Variants in NARS2 observed in about 807,000 individuals in gnomAD.
NARS2 encodes asparaginyl-tRNA synthetase 2, mitochondrial, also known as asparaginyl-tRNA synthetase.
In NARS2, 60 loss-of-function variants were observed where a neutral mutation model predicts 62.9. The ratio of observed to expected loss-of-function variants is 0.95; its 90% CI spans 0.77 to 1.18. The LOEUF (loss-of-function observed/expected upper bound fraction) is 1.18, where lower values mean the gene tolerates loss of function less well. Ranked by LOEUF, NARS2 falls within the 50% of genes most tolerant of loss-of-function variation. The pLI is 0.00. For missense variants in NARS2, 619 were observed against 576.4 expected (o/e 1.07, Z -0.76); for synonymous variants, 196 against 200.0 (o/e 0.98, Z 0.17).
intron 11 of NARS2, among the ~76,000 whole-genome samples, chr11:78,461,256 A>G (rs533126598): frequency 6.6e-6 from 1 of 152,288 alleles, no homozygotes; most frequent in East Asian, 1.9e-4. Flanking sequence ...TGAGGAAAAT[A>G]AAGACCACCA....
chr11:78,506,348 C>G (rs1037513776), intron 6 of NARS2, among the ~76,000 whole-genome samples: 5 of 152,188 alleles, frequency 3.3e-5, no homozygotes, highest in African/African-American at 1.2e-4. Flanking sequence ...GAAATAAAAA[C>G]ATATGTCCAC....
At chr11:78,482,253 A>C (rs2135280046) in intron 7 of NARS2, among the ~76,000 whole-genome samples, 1 of 152,348 alleles carries the variant, frequency 6.6e-6, no homozygotes, top group East Asian at 1.9e-4. Flanking sequence ...AGCAGTGTTA[A>C]GAGGGAAGTT....
chr11:78,458,866 C>A (rs965608688), intron 11 of NARS2, among the ~76,000 whole-genome samples: 45 of 151,676 alleles, frequency 3.0e-4, no homozygotes, highest in African/African-American at 1.1e-3. Context: ...TTTCCCCATA[C>A]TGTTCTTGTG....
At chr11:78,512,026 A>G (rs1196457448) in intron 6 of NARS2, among the ~76,000 whole-genome samples, 1 of 152,172 alleles carries the variant, frequency 6.6e-6, no homozygotes, top group Non-Finnish European at 1.5e-5. Context: ...CACAACAACA[A>G]CGTCCTTCCA....
chr11:78,553,594 C>T (rs1856212482), intron 5 of NARS2, among the ~76,000 whole-genome samples: 2 of 152,138 alleles, frequency 1.3e-5, no homozygotes, highest in Admixed American at 6.5e-5. Context: ...TAGCCATTTG[C>T]CCACTTTTTA....
In NARS2 at chr11:78,571,417, T is replaced by C; in HGVS notation, c.169A>G (p.Lys57Glu). 1 of 1,613,328 alleles carries C rather than the reference T, an allele frequency of 6.2e-7. No homozygotes were observed. The highest frequency in any genetic ancestry group is 8.5e-7 in the Non-Finnish European group (1 of 1,179,718). Reference protein sequence around the residue: ...QGWIRSVRSQKEVLFLHVNDG... With the variant: ...QGWIRSVRSQEEVLFLHVNDG... ...TTTACATGCAGGAACAAGACTTCCTTCTGGGATCGGACAGAACGAATCCAT... is the reference window on the plus strand; with the variant it reads ...TTTACATGCAGGAACAAGACTTCCTCCTGGGATCGGACAGAACGAATCCAT... Residue 57 changes from lysine (K) to glutamate (E), a missense_variant, in exon 2 of 14, where the codon AAG becomes GAG. Physicochemically the swap from Lys to Glu is moderately conservative, Grantham distance 56. Coordinates refer to ENST00000281038, the MANE Select transcript of NARS2 (RefSeq NM_024678.6).
rs1165339775 is a variant in NARS2, at chr11:78,574,690, A to G, written c.-202T>C. On this transcript the variant is annotated 5_prime_UTR_variant, in exon 1 of 14. Coordinates refer to ENST00000281038, the MANE Select transcript of NARS2 (RefSeq NM_024678.6). ...AGAACCTCTCCGCTTCCCACTTCCC[A>G]ACGGGGCGGAATGGACAGGACACTA... 1 of 602,052 alleles carries G rather than the reference A, an allele frequency of 1.7e-6. No homozygotes were observed. The highest frequency in any genetic ancestry group is 2.9e-6 in the Non-Finnish European group (1 of 349,928). The allele number at this position is 602,052 out of a possible 1,614,324, so 37.3% of individuals were successfully genotyped here.
At chr11:78,523,685 T>G (rs1861205305) in intron 6 of NARS2, among the ~76,000 whole-genome samples, 1 of 152,206 alleles carries the variant, frequency 6.6e-6, no homozygotes, top group Admixed American at 6.5e-5. Flanking sequence ...TTGAAAACAT[T>G]TGCTAAATGA....
At chr11:78,461,999 G>A (rs1178820905) in intron 11 of NARS2, among the ~76,000 whole-genome samples, 1 of 152,074 alleles carries the variant, frequency 6.6e-6, no homozygotes, top group Non-Finnish European at 1.5e-5. Flanking sequence ...AGAGATTACA[G>A]AATATAGACA....
At chr11:78,472,169 T>C (rs150065406) in intron 9 of NARS2, among the ~76,000 whole-genome samples, 16 of 152,218 alleles carry the variant, frequency 1.1e-4, no homozygotes, top group African/African-American at 3.1e-4. Context: ...GTTCTGACAT[T>C]TGATATCCTT....
chr11:78,459,623 T>C (rs1303991453), intron 11 of NARS2, among the ~76,000 whole-genome samples: 1 of 152,198 alleles, frequency 6.6e-6, no homozygotes, highest in Middle Eastern at 3.2e-3. Flanking sequence ...CATTCTCTCT[T>C]GCTGCTGCCA....
intron 6 of NARS2, among the ~76,000 whole-genome samples, chr11:78,494,300 C>A (rs1436094903): frequency 1.3e-5 from 2 of 152,126 alleles, no homozygotes; most frequent in Admixed American, 6.5e-5. Flanking sequence ...AGGACTTAAT[C>A]TTTAAATGTT....
intron 5 of NARS2, 148 bp downstream of exon 5, chr11:78,559,391 T>G: frequency 1.7e-6 from 1 of 584,476 alleles, no homozygotes; most frequent in South Asian, 2.1e-5. Flanking sequence ...TGGTTTGAAT[T>G]GTCTATGTAA....
At chr11:78,571,073 AG>A (rs1290867621) in intron 2 of NARS2, among the ~76,000 whole-genome samples, 2 of 152,178 alleles carry the variant, frequency 1.3e-5, no homozygotes, top group Non-Finnish European at 2.9e-5. Flanking sequence ...GAACAGCTTA[AG>A]GGAGCCGCAG....
intron 5 of NARS2, among the ~76,000 whole-genome samples, chr11:78,546,844 T>A (rs566851400): frequency 3.4e-4 from 52 of 152,352 alleles, no homozygotes; most frequent in Admixed American, 3.1e-3. Context: ...CCTGTGGACA[T>A]CTCTGATCAC....
chr11:78,511,266 A>G (rs965081557), intron 6 of NARS2, among the ~76,000 whole-genome samples: 1 of 152,166 alleles, frequency 6.6e-6, no homozygotes, highest in South Asian at 2.1e-4. Flanking sequence ...TTTTGTAGAG[A>G]TGGAGTCTCA....
At chr11:78,570,161 G>A (rs559953410) in intron 2 of NARS2, among the ~76,000 whole-genome samples, 1 of 151,956 alleles carries the variant, frequency 6.6e-6, no homozygotes, top group Admixed American at 6.6e-5. Context: ...CTACATTCCA[G>A]CCTGAGCGAC....
In NARS2 at chr11:78,566,117, C is replaced by A; in HGVS notation, c.513+15G>T. The stretch of plus-strand genomic sequence containing the variant: ...AACTGTTTAAAGGGTCAAGAGGGAA[C>A]TTTTAGGATCTTACCTTAAAGAAAG... On this transcript the variant is annotated intron_variant, in intron 4 of 13. Transcript: ENST00000281038. 1 of 1,593,300 alleles carries A rather than the reference C, an allele frequency of 6.3e-7. No individual in the cohort carries two copies. Among genetic ancestry groups the A allele is most frequent in the Non-Finnish European group, 8.5e-7 (1 of 1,171,206 alleles).
At chr11:78,441,916 A>G (rs1857588247) in intron 12 of NARS2, among the ~76,000 whole-genome samples, 1 of 152,206 alleles carries the variant, frequency 6.6e-6, no homozygotes, top group African/African-American at 2.4e-5. Context: ...GTGGTAATTG[A>G]AATTCAACTC....
Sources: allele counts gnomAD v4.1 joint callset (sites outside exome capture counted in the v4.1 genomes callset), GRCh38; gene constraint gnomAD v4.1.1; transcripts MANE v1.5; gene names NCBI Gene and HGNC (gene_info 2026-07-23, HGNC 2026-07-21).